OXR1: variants seen among roughly 807,000 people sequenced by gnomAD.
The protein encoded by OXR1 is oxidation resistance protein 1.
OXR1 carries 41 observed loss-of-function variants against 104.6 expected under a neutral mutation model. That is an observed-to-expected ratio of 0.39 (90% confidence interval 0.31 to 0.51). The LOEUF (loss-of-function observed/expected upper bound fraction) is 0.51, where lower values mean the gene tolerates loss of function less well. Among genes scored for constraint, OXR1 ranks in the 20% least tolerant of loss-of-function variants. The probability of loss-of-function intolerance (pLI) is 0.77; values close to 1 mark genes in which losing one functional copy is unlikely to be tolerated. For missense variants in OXR1, 955 were observed against 1,031.9 expected (o/e 0.93, Z 1.02); for synonymous variants, 348 against 348.4 (o/e 1.00, Z 0.01).
intron 3 of OXR1, among the ~76,000 whole-genome samples, chr8:106,629,437 G>T (rs1193178928): frequency 6.6e-6 from 1 of 152,132 alleles, no homozygotes; most frequent in Non-Finnish European, 1.5e-5. Context: ...TGGATCTTCT[G>T]ACTACTCGTC....
In OXR1 at chr8:106,399,340, G is replaced by A. The variant is rs191715405; in HGVS notation, c.23+39704G>A. 5.4e-3 allele frequency among the ~76,000 whole-genome samples: 822 copies of A among 152,242 alleles called. 3 individuals carry two copies. The highest frequency in any genetic ancestry group is 0.031 in the Middle Eastern group (9 of 294). ...TACAGCTGTGACAATAGCAATCCTA[G>A]CATTTCATCATCACTATTTGATTGA... On this transcript the variant is annotated intron_variant, in intron 2 of 16. Transcript: ENST00000517566.
At chr8:106,513,260 A>G (rs1812652251) in intron 2 of OXR1, among the ~76,000 whole-genome samples, 1 of 152,088 alleles carries the variant, frequency 6.6e-6, no homozygotes. Context: ...AGCTGGTTGA[A>G]ATGGGATTGA....
At chr8:106,441,052 G>A (rs1031845980) in intron 2 of OXR1, among the ~76,000 whole-genome samples, 2 of 152,004 alleles carry the variant, frequency 1.3e-5, no homozygotes, top group Admixed American at 1.3e-4. Context: ...ATGGTTTTGT[G>A]TTTTACATTT....
chr8:106,574,650 T>C (rs954339018), intron 3 of OXR1, among the ~76,000 whole-genome samples: 1 of 152,262 alleles, frequency 6.6e-6, no homozygotes, highest in African/African-American at 2.4e-5. Flanking sequence ...ACAGGGGCTA[T>C]GCCCCATCCA....
At chr8:106,527,501 T>C (rs997235368) in intron 3 of OXR1, among the ~76,000 whole-genome samples, 3 of 152,130 alleles carry the variant, frequency 2.0e-5, no homozygotes, top group Admixed American at 6.5e-5. Flanking sequence ...TAAAAACTCT[T>C]TGTGGTTTCT....
chr8:106,387,837 C>G (rs1419471784), intron 2 of OXR1, among the ~76,000 whole-genome samples: 1 of 152,180 alleles, frequency 6.6e-6, no homozygotes, highest in Non-Finnish European at 1.5e-5. Context: ...CACATCAGTA[C>G]TAAGCTGGTG....
At chr8:106,371,947 G>T (rs1181732785) in intron 2 of OXR1, among the ~76,000 whole-genome samples, 1 of 152,218 alleles carries the variant, frequency 6.6e-6, no homozygotes, top group African/African-American at 2.4e-5. Context: ...CCTGCCCAGG[G>T]AGCTTAGCTT....
intron 3 of OXR1, among the ~76,000 whole-genome samples, chr8:106,547,238 G>A (rs974510628): frequency 1.3e-5 from 2 of 152,034 alleles, no homozygotes; most frequent in Non-Finnish European, 2.9e-5. Context: ...AGTACACATC[G>A]CCACCATTCA....
chr8:106,309,619 C>T (rs1813613579), intron 1 of OXR1, among the ~76,000 whole-genome samples: 1 of 151,736 alleles, frequency 6.6e-6, no homozygotes, highest in Non-Finnish European at 1.5e-5. Context: ...ATATTTCAAT[C>T]TTAGAGCAGT....
chr8:106,556,669 C>A (rs1020343650), intron 3 of OXR1, among the ~76,000 whole-genome samples: 1 of 152,178 alleles, frequency 6.6e-6, no homozygotes, highest in South Asian at 2.1e-4. Context: ...CCTTAAGAAT[C>A]AAAAGGCAAA....
intron 11 of OXR1, among the ~76,000 whole-genome samples, chr8:106,718,421 T>C (rs1832474781): frequency 6.6e-6 from 1 of 152,228 alleles, no homozygotes; most frequent in East Asian, 1.9e-4. Flanking sequence ...AAGTTCCTAA[T>C]GATAAATCAG....
At chr8:106,512,354 C>T (rs1401654545) in intron 2 of OXR1, among the ~76,000 whole-genome samples, 2 of 152,160 alleles carry the variant, frequency 1.3e-5, no homozygotes, top group Non-Finnish European at 2.9e-5. Flanking sequence ...CTTTAAATTC[C>T]TAAGGCCTAG....
chr8:106,706,694 T>G lies in OXR1; in HGVS notation c.1173T>G (p.Pro391=). The G allele has an allele frequency of 6.2e-7, 1 of 1,612,960 alleles. No individual in the cohort carries two copies. Among genetic ancestry groups the G allele is most frequent in the East Asian group, 2.2e-5 (1 of 44,890 alleles). The change falls in exon 9 of 17, where the codon CCT becomes CCG. Residue 391 remains proline (P), a synonymous_variant. Coordinates refer to ENST00000517566, the MANE Select transcript of OXR1 (RefSeq NM_001198533.2). ...TCAAATCAGAATCTACTGGTACTCC[T>G]GGTCACTTAAGATCTGATACTGAAC... ...LTVKSESTGT[P]GHLRSDTEHS...
At chr8:106,750,643 T>G (rs950558149) in intron 16 of OXR1, among the ~76,000 whole-genome samples, 163 bp from the exon 17 acceptor site, 5 of 152,178 alleles carry the variant, frequency 3.3e-5, no homozygotes, top group African/African-American at 1.2e-4. Context: ...AAATAATTTT[T>G]TAATGGAATA....
At chr8:106,394,304 T>TAA (rs571838717) in intron 2 of OXR1, among the ~76,000 whole-genome samples, 9 of 134,942 alleles carry the variant, frequency 6.7e-5, no homozygotes, top group African/African-American at 1.4e-4. Flanking sequence ...GTTAGAATGG[T>TAA]AAAAAAAAAA....
intron 2 of OXR1, among the ~76,000 whole-genome samples, chr8:106,506,339 C>T (rs567084405): frequency 2.0e-5 from 3 of 152,268 alleles, no homozygotes; most frequent in South Asian, 4.1e-4. Flanking sequence ...TTTGGCCAGG[C>T]GCGGTGGCTC....
At chr8:106,674,709 T>C (rs1208577292) in intron 3 of OXR1, among the ~76,000 whole-genome samples, 1 of 152,080 alleles carries the variant, frequency 6.6e-6, no homozygotes, top group Non-Finnish European at 1.5e-5. Context: ...CAGGTGGAGG[T>C]AATTGGATCA....
intron 3 of OXR1, among the ~76,000 whole-genome samples, chr8:106,573,344 TAC>T (rs3046716): frequency 0.044 from 6,493 of 146,612 alleles, 195 homozygotes; most frequent in African/African-American, 0.086. Context: ...AACCATCACA[TAC>T]ACACACACAC....
chr8:106,736,665 T>C lies in OXR1; in HGVS notation c.1957-855T>C, dbSNP rs1305372603. Among the ~76,000 whole-genome samples, 5 of 152,212 alleles carry C rather than the reference T, an allele frequency of 3.3e-5. No homozygotes were observed. In the East Asian group the frequency reaches 7.7e-4, roughly 23 times the overall value. The stretch of plus-strand genomic sequence containing the variant: ...CAACCTGAGGAAACTTACCTGTTTT[T>C]GTGGGCTTTCTGTAATAGTGTTTAT... On this transcript the variant is annotated intron_variant, in intron 11 of 16. Coordinates refer to ENST00000517566, the MANE Select transcript of OXR1 (RefSeq NM_001198533.2).
Sources: allele counts gnomAD v4.1 joint callset (sites outside exome capture counted in the v4.1 genomes callset), GRCh38; gene constraint gnomAD v4.1.1; transcripts MANE v1.5; gene names NCBI Gene and HGNC (gene_info 2026-07-23, HGNC 2026-07-21).